Variants in PDE4D observed in about 807,000 individuals in gnomAD.
PDE4D encodes 3',5'-cyclic-AMP phosphodiesterase 4D.
Under a neutral mutation model 87.4 loss-of-function variants are expected in PDE4D, and 24 were observed. That is an observed-to-expected ratio of 0.27 (90% confidence interval 0.20 to 0.39). PDE4D has a LOEUF of 0.39. Ranked by LOEUF, PDE4D falls within the 10% of genes least tolerant of loss-of-function variation. The pLI is 1.00. For missense variants in PDE4D, 714 were observed against 1,041.0 expected (o/e 0.69, Z 4.32); for synonymous variants, 384 against 383.2 (o/e 1.00, Z -0.02).
intron 1 of PDE4D, among the ~76,000 whole-genome samples, chr5:59,698,673 G>A (rs144834039): frequency 2.3e-3 from 353 of 152,240 alleles, no homozygotes; most frequent in Non-Finnish European, 4.1e-3. Flanking sequence ...TGGAATTTGC[G>A]TGACAGTCCC....
chr5:60,104,712 C>T (rs1205957271), intron 2 of PDE4D, among the ~76,000 whole-genome samples: 5 of 152,292 alleles, frequency 3.3e-5, no homozygotes, highest in African/African-American at 7.2e-5. Context: ...CACGAAAATC[C>T]GCTGTTCTGC....
chr5:59,927,115 T>A (rs1355861407), intron 3 of PDE4D, among the ~76,000 whole-genome samples: 1 of 152,238 alleles, frequency 6.6e-6, no homozygotes, highest in Non-Finnish European at 1.5e-5. Context: ...TTGTTTATGA[T>A]GCTTCTGCAT....
chr5:59,800,508 G>GT (rs1194541600), intron 1 of PDE4D, among the ~76,000 whole-genome samples: 1 of 152,126 alleles, frequency 6.6e-6, no homozygotes, highest in Admixed American at 6.5e-5. Context: ...TAGCACCAGT[G>GT]TAGAGATATT....
At chr5:59,453,527 A>G (rs1055881734) in intron 1 of PDE4D, among the ~76,000 whole-genome samples, 4 of 152,254 alleles carry the variant, frequency 2.6e-5, no homozygotes, top group Admixed American at 6.5e-5. Flanking sequence ...ACAAATGATA[A>G]GAAATTGAAA....
intron 1 of PDE4D, among the ~76,000 whole-genome samples, chr5:60,347,225 T>C (rs1040751265): frequency 6.6e-6 from 1 of 151,982 alleles, no homozygotes; most frequent in Admixed American, 6.6e-5. Flanking sequence ...GCAGAAAGAA[T>C]GTCAAGTGCA....
At chr5:60,375,253 G>A (rs1197909605) in intron 1 of PDE4D, among the ~76,000 whole-genome samples, 1 of 152,112 alleles carries the variant, frequency 6.6e-6, no homozygotes, top group Non-Finnish European at 1.5e-5. Context: ...GGACATATCT[G>A]TCTCTTTCTC....
intron 5 of PDE4D, among the ~76,000 whole-genome samples, chr5:59,102,950 C>T (rs1022385144): frequency 1.3e-5 from 2 of 152,166 alleles, no homozygotes; most frequent in African/African-American, 4.8e-5. Context: ...AATCTCAAAA[C>T]CCAATGCAGG....
intron 1 of PDE4D, among the ~76,000 whole-genome samples, chr5:59,257,979 G>A (rs1169327457): frequency 1.3e-5 from 2 of 151,898 alleles, no homozygotes; most frequent in Non-Finnish European, 2.9e-5. Context: ...AGACTTGTAG[G>A]TAGGAAACCC....
At chr5:59,931,400 C>T (rs904301444) in intron 3 of PDE4D, among the ~76,000 whole-genome samples, 1 of 152,128 alleles carries the variant, frequency 6.6e-6, no homozygotes, top group Admixed American at 6.5e-5. Context: ...AACAGAATAC[C>T]TGAAACTTTC....
chr5:60,287,483 C>T (rs1752524156), intron 1 of PDE4D, among the ~76,000 whole-genome samples: 1 of 152,154 alleles, frequency 6.6e-6, no homozygotes, highest in Admixed American at 6.5e-5. Flanking sequence ...TTCTTATTTA[C>T]CCTGTGTGCC....
intron 1 of PDE4D, among the ~76,000 whole-genome samples, chr5:60,501,785 T>C (rs1439285519): frequency 6.6e-6 from 1 of 152,232 alleles, no homozygotes; most frequent in Non-Finnish European, 1.5e-5. Flanking sequence ...GTTTTTTTGG[T>C]GGCATAAATG....
At chr5:59,898,394 A>C (rs1751892218), upstream of PDE4D, among the ~76,000 whole-genome samples, 1 of 152,188 alleles carries the variant, frequency 6.6e-6, no homozygotes, top group African/African-American at 2.4e-5. Flanking sequence ...ATAAATAAGC[A>C]ACTATAATTT....
intron 1 of PDE4D, among the ~76,000 whole-genome samples, chr5:59,415,355 C>G (rs143401801): frequency 1.3e-4 from 20 of 152,260 alleles, no homozygotes; most frequent in African/African-American, 4.8e-4. Flanking sequence ...AAAACTTGCC[C>G]AGGTTGGCAA....
chr5:60,188,268 G>A (rs1024269930), intron 1 of PDE4D: 2 of 152,288 alleles, frequency 1.3e-5, no homozygotes, highest in Middle Eastern at 3.4e-3. Context: ...TGGTAGGGTA[G>A]AGGAATCCAC....
chr5:59,022,948 G>T (rs1755475220), intron 6 of PDE4D, among the ~76,000 whole-genome samples: 1 of 152,134 alleles, frequency 6.6e-6, no homozygotes. Context: ...GGCCAAGGTG[G>T]GCAGATTACG....
intron 2 of PDE4D, among the ~76,000 whole-genome samples, chr5:59,990,420 G>T (rs1762886870): frequency 6.6e-6 from 1 of 151,960 alleles, no homozygotes; most frequent in African/African-American, 2.4e-5. Context: ...TTGTCTTCCT[G>T]ATTTATATCT....
chr5:60,007,280 A>G (rs1289430700), intron 2 of PDE4D, among the ~76,000 whole-genome samples: 1 of 152,060 alleles, frequency 6.6e-6, no homozygotes, highest in Non-Finnish European at 1.5e-5. Context: ...AGAATAACAA[A>G]TCATGCCAAA....
chr5:59,944,532 C>T (rs2963809), intron 3 of PDE4D, among the ~76,000 whole-genome samples: 19,244 of 152,068 alleles, frequency 0.13, 3,876 homozygotes, highest in African/African-American at 0.42. Flanking sequence ...CCACCACGCC[C>T]GGCTAATTTT....
chr5:59,576,651 T>C lies in PDE4D; in HGVS notation c.455+316517A>G, dbSNP rs371178612. On this transcript the variant is annotated intron_variant, in intron 1 of 14. Coordinates refer to ENST00000340635, the MANE Select transcript of PDE4D (RefSeq NM_001104631.2). ...CTGCAATGAATAGAACAGATTATAATGTTAATACCTGGTCTCAAAGGCTAG... is the reference window on the plus strand; with the variant it reads ...CTGCAATGAATAGAACAGATTATAACGTTAATACCTGGTCTCAAAGGCTAG... Among the ~76,000 whole-genome samples the C allele has an allele frequency of 7.9e-5, 12 of 152,222 alleles. 1 individual carries two copies. Among genetic ancestry groups the C allele is most frequent in the East Asian group, 3.9e-4 (2 of 5,184 alleles).
Sources: allele counts gnomAD v4.1 joint callset (sites outside exome capture counted in the v4.1 genomes callset), GRCh38; gene constraint gnomAD v4.1.1; transcripts MANE v1.5; gene names NCBI Gene and HGNC (gene_info 2026-07-23, HGNC 2026-07-21).